Variants in PIK3AP1 observed in about 807,000 individuals in gnomAD.
PIK3AP1 encodes the protein phosphoinositide-3-kinase adaptor protein 1.
A neutral mutation model predicts 88.1 loss-of-function variants in PIK3AP1; 21 were observed. That is an observed-to-expected ratio of 0.24 (90% confidence interval 0.17 to 0.34). The LOEUF (loss-of-function observed/expected upper bound fraction) is 0.34. Ranked by LOEUF, PIK3AP1 falls within the 10% of genes least tolerant of loss-of-function variation. The pLI is 1.00. For synonymous variants in PIK3AP1, 398 were observed against 400.0 expected, an observed-to-expected ratio of 1.00 and a Z score of 0.06; for missense variants, 828 against 1,035.7, an observed-to-expected ratio of 0.80 and a Z score of 2.75.
chr10:96,609,379 C>G (rs973789559), intron 14 of PIK3AP1, among the ~76,000 whole-genome samples: 1 of 152,210 alleles, frequency 6.6e-6, no homozygotes, highest in Non-Finnish European at 1.5e-5. Context: ...AGATGACAGT[C>G]CCTATTCCAT....
intron 2 of PIK3AP1, among the ~76,000 whole-genome samples, chr10:96,672,078 C>G (rs1383164963): frequency 1.3e-5 from 2 of 152,138 alleles, no homozygotes; most frequent in African/African-American, 4.8e-5. Flanking sequence ...GGTGGTCACA[C>G]TGTCTCCCTG....
chr10:96,679,144 AT>A (rs539145753), intron 2 of PIK3AP1, among the ~76,000 whole-genome samples: 4 of 151,892 alleles, frequency 2.6e-5, no homozygotes, highest in East Asian at 1.9e-4. Context: ...ACACTCAAGG[AT>A]TTTTTTTTAT....
rs552425063 is a variant in PIK3AP1 at position 96,640,549 on chromosome 10, G to A, written c.1375+4924C>T. On this transcript the variant is annotated intron_variant, in intron 8 of 16. Coordinates refer to ENST00000339364, the MANE Select transcript of PIK3AP1 (RefSeq NM_152309.3). ...ATGAGGAGATAGTGAAAACACCCAC[G>A]GACATTTGCCTTGAGTTTTATTTAA... Among the ~76,000 whole-genome samples, 4 of 152,244 alleles carry A rather than the reference G, an allele frequency of 2.6e-5. No individual in the cohort carries two copies. In the South Asian group the frequency reaches 6.2e-4, roughly 24 times the overall value.
intron 8 of PIK3AP1, chr10:96,633,196 C>T: frequency 1.0e-6 from 1 of 968,162 alleles, no homozygotes. Flanking sequence ...AGTTCCTGTA[C>T]AGATCCTCCC....
At chr10:96,708,839 AC>A in intron 2 of PIK3AP1, among the ~76,000 whole-genome samples, 1 of 152,082 alleles carries the variant, frequency 6.6e-6, no homozygotes, top group East Asian at 1.9e-4. Flanking sequence ...ATCGAAAAAA[AC>A]AATGCCTTGG....
chr10:96,604,104 A>G, intron 14 of PIK3AP1, 55 bp from the exon 15 acceptor site: 1 of 1,362,830 alleles, frequency 7.3e-7, no homozygotes, highest in Non-Finnish European at 1.0e-6. Context: ...GCTAAAATAA[A>G]ATAGAGAACT....
chr10:96,648,905 G>A (rs77495489), intron 6 of PIK3AP1, 50 bp from the exon 7 acceptor site: 14 of 1,446,276 alleles, frequency 9.7e-6, no homozygotes, highest in Admixed American at 5.5e-5. Flanking sequence ...TAAAGGCACA[G>A]GGTGCCCTTG....
intron 2 of PIK3AP1, among the ~76,000 whole-genome samples, chr10:96,665,678 G>A (rs977040931): frequency 1.3e-5 from 2 of 152,178 alleles, no homozygotes; most frequent in Admixed American, 6.5e-5. Flanking sequence ...TATAAAGGGG[G>A]TCCTGCCACA....
intron 2 of PIK3AP1, among the ~76,000 whole-genome samples, chr10:96,665,602 T>A (rs992466234): frequency 3.9e-5 from 6 of 152,218 alleles, no homozygotes; most frequent in Non-Finnish European, 7.3e-5. Flanking sequence ...TCTGGGCTCT[T>A]CATTTAGATC....
intron 2 of PIK3AP1, among the ~76,000 whole-genome samples, chr10:96,702,370 G>A (rs185662075): frequency 7.9e-5 from 12 of 151,980 alleles, no homozygotes; most frequent in Admixed American, 2.6e-4. Context: ...GTGTTGGCAC[G>A]TGCCTGTAGT....
At chr10:96,638,923 T>TC in intron 8 of PIK3AP1, among the ~76,000 whole-genome samples, 1 of 142,228 alleles carries the variant, frequency 7.0e-6, no homozygotes, top group Non-Finnish European at 1.5e-5. Flanking sequence ...CAGCGTGATT[T>TC]AAACACATGA....
intron 2 of PIK3AP1, among the ~76,000 whole-genome samples, chr10:96,671,169 C>T (rs1843840896): frequency 6.6e-6 from 1 of 152,228 alleles, no homozygotes; most frequent in Admixed American, 6.5e-5. Context: ...AACCTCAGAC[C>T]TGGCCTTGTG....
chr10:96,602,187 G>T, intron 16 of PIK3AP1, 93 bp downstream of exon 16: 1 of 1,104,540 alleles, frequency 9.1e-7, no homozygotes, highest in Non-Finnish European at 1.3e-6. Context: ...CCAGCTCTGC[G>T]CTTATTCTTT....
chr10:96,640,472 C>T (rs1448106130), intron 8 of PIK3AP1, among the ~76,000 whole-genome samples: 1 of 152,140 alleles, frequency 6.6e-6, no homozygotes, highest in Non-Finnish European at 1.5e-5. Context: ...CCAGGACTAC[C>T]ATATCATTCT....
intron 2 of PIK3AP1, among the ~76,000 whole-genome samples, chr10:96,691,084 G>T (rs1645509091): frequency 6.6e-6 from 1 of 152,116 alleles, no homozygotes; most frequent in African/African-American, 2.4e-5. Context: ...CCCATAGCTT[G>T]CTTAATTCCT....
At chr10:96,687,270 A>AAAG (rs1554961626) in intron 2 of PIK3AP1, among the ~76,000 whole-genome samples, 3 of 149,338 alleles carry the variant, frequency 2.0e-5, no homozygotes, top group African/African-American at 7.5e-5. Flanking sequence ...AAAAAAAAAA[A>AAAG]AAAAAAAAAA....
At chr10:96,598,595 C>T (rs967616033) in intron 16 of PIK3AP1, among the ~76,000 whole-genome samples, 5 of 150,974 alleles carry the variant, frequency 3.3e-5, no homozygotes, top group African/African-American at 1.2e-4. Context: ...CTCACAGGTT[C>T]GCCATTCATT....
intron 2 of PIK3AP1, among the ~76,000 whole-genome samples, chr10:96,701,616 A>G (rs916697418): frequency 6.6e-6 from 1 of 152,236 alleles, no homozygotes; most frequent in Non-Finnish European, 1.5e-5. Context: ...GAGAAACTGC[A>G]AATGTAAACG....
intron 14 of PIK3AP1, among the ~76,000 whole-genome samples, chr10:96,608,829 C>T (rs570193253): frequency 1.3e-5 from 2 of 152,368 alleles, no homozygotes; most frequent in South Asian, 4.1e-4. Flanking sequence ...CTCTGCCCGA[C>T]ATTTAAGGAG....
Sources: allele counts gnomAD v4.1 joint callset (sites outside exome capture counted in the v4.1 genomes callset), GRCh38; gene constraint gnomAD v4.1.1; transcripts MANE v1.5; gene names NCBI Gene and HGNC (gene_info 2026-07-23, HGNC 2026-07-21).